Variants in GATAD2A observed in about 807,000 individuals in gnomAD.
GATAD2A encodes the protein GATA zinc finger domain containing 2A.
GATAD2A carries 12 observed loss-of-function variants against 68.5 expected under a neutral mutation model. The observed-to-expected ratio is 0.18, with a 90% CI of 0.11 to 0.28. GATAD2A has a LOEUF of 0.28. Ranked by LOEUF, GATAD2A falls within the 10% of genes least tolerant of loss-of-function variation. GATAD2A has a pLI of 1.00. For synonymous variants in GATAD2A, 410 were observed against 375.3 expected (o/e 1.09, Z -1.07); for missense variants, 755 against 868.5 (o/e 0.87, Z 1.64).
At chr19:19,433,781 C>T (rs909152472) in intron 1 of GATAD2A, among the ~76,000 whole-genome samples, 1 of 152,138 alleles carries the variant, frequency 6.6e-6, no homozygotes, top group Admixed American at 6.5e-5. Context: ...TCCCCATACC[C>T]CCCCTTTTTT....
intron 1 of GATAD2A, among the ~76,000 whole-genome samples, chr19:19,423,231 G>A (rs370821862): frequency 6.6e-6 from 1 of 152,128 alleles, no homozygotes; most frequent in South Asian, 2.1e-4. Flanking sequence ...GGTCTCAAAC[G>A]CCTGGGCTCA....
intron 1 of GATAD2A, among the ~76,000 whole-genome samples, chr19:19,459,368 CTT>C (rs112022185): frequency 2.3e-4 from 33 of 143,754 alleles, no homozygotes; most frequent in Non-Finnish European, 2.4e-4. Flanking sequence ...CTATATACAC[CTT>C]TTTTTTTTTT....
At chr19:19,449,524 G>A (rs2056136319) in intron 1 of GATAD2A, among the ~76,000 whole-genome samples, 1 of 151,580 alleles carries the variant, frequency 6.6e-6, no homozygotes, top group Admixed American at 6.6e-5. Flanking sequence ...TGGTTACTTG[G>A]GTATATATTA....
intron 2 of GATAD2A, among the ~76,000 whole-genome samples, chr19:19,490,780 G>C (rs768724754): frequency 4.6e-5 from 7 of 152,192 alleles, no homozygotes; most frequent in Non-Finnish European, 7.3e-5. Flanking sequence ...AGCTACTCAG[G>C]AGGCTGAGGC....
chr19:19,420,936 A>G (rs567130426), intron 1 of GATAD2A, among the ~76,000 whole-genome samples: 5 of 152,348 alleles, frequency 3.3e-5, no homozygotes, highest in African/African-American at 1.2e-4. Context: ...TTCCTCTTTC[A>G]GTAACAAAAC....
chr19:19,462,044 A>T lies in GATAD2A; in HGVS notation c.-6-3296A>T, dbSNP rs2057477021. Among the ~76,000 whole-genome samples the T allele has an allele frequency of 2.6e-5, 4 of 152,170 alleles. No homozygotes were observed. The South Asian group carries it at 8.3e-4, about 32-fold the overall frequency. ...CTCTCCCCTGTCACTGGGAATTTTG[A>T]AATGAATCCTCATTTGCCAGTCAGG... On this transcript the variant is annotated intron_variant, in intron 1 of 11. Transcript: ENST00000683918.
At chr19:19,479,279 G>C (rs1271571644) in intron 2 of GATAD2A, among the ~76,000 whole-genome samples, 1 of 152,200 alleles carries the variant, frequency 6.6e-6, no homozygotes, top group Non-Finnish European at 1.5e-5. Flanking sequence ...TTTTAGAATA[G>C]TCTTAGACTC....
At chr19:19,476,262 A>AGCAGATTT (rs999276127) in intron 2 of GATAD2A, among the ~76,000 whole-genome samples, 2 of 152,222 alleles carry the variant, frequency 1.3e-5, no homozygotes, top group Admixed American at 6.5e-5. Context: ...CTGTAAGTTG[A>AGCAGATTT]GCAGATTTGC....
intron 1 of GATAD2A, among the ~76,000 whole-genome samples, chr19:19,447,177 T>C (rs2055825452): frequency 6.6e-6 from 1 of 151,994 alleles, no homozygotes; most frequent in African/African-American, 2.4e-5. Context: ...GGGGGGCATG[T>C]GTGGAGGGGA....
chr19:19,391,506 G>A (rs146096863), intron 1 of GATAD2A, among the ~76,000 whole-genome samples: 8 of 152,194 alleles, frequency 5.3e-5, no homozygotes, highest in African/African-American at 1.9e-4. Context: ...AAGAACTAAG[G>A]TAAACAACTT....
At chr19:19,395,507 G>A (rs936454109) in intron 1 of GATAD2A, among the ~76,000 whole-genome samples, 4 of 151,960 alleles carry the variant, frequency 2.6e-5, no homozygotes, top group Non-Finnish European at 5.9e-5. Context: ...TTGGTAAGCC[G>A]CTTTGTCAGA....
intron 1 of GATAD2A, chr19:19,435,194 A>G: frequency 1.9e-6 from 1 of 516,928 alleles, no homozygotes; most frequent in Non-Finnish European, 4.1e-6. Context: ...TACCTGGAAC[A>G]TACTCCTAAG....
Position 19,424,388 on chromosome 19 carries a change from C to T in GATAD2A, c.-7+18369C>T, listed in dbSNP as rs188047112. On this transcript the variant is annotated intron_variant, in intron 1 of 11. Transcript: ENST00000683918. ...GTGACCATAGGCATGAGCCAGCATG[C>T]CCAGCTAATTTTTGTATTTTTTGTA... 1.0e-3 allele frequency among the ~76,000 whole-genome samples: 158 copies of T among 152,214 alleles called. 2 individuals are homozygous for T. Among genetic ancestry groups the T allele is most frequent in the African/African-American group, 3.5e-3 (147 of 41,540 alleles).
intron 2 of GATAD2A, among the ~76,000 whole-genome samples, chr19:19,485,236 G>C (rs2059355843): frequency 6.6e-6 from 1 of 152,220 alleles, no homozygotes; most frequent in African/African-American, 2.4e-5. Flanking sequence ...AGTGATATGG[G>C]TTAGCTCCCC....
At chr19:19,474,644 G>C (rs1407447627) in intron 2 of GATAD2A, among the ~76,000 whole-genome samples, 4 of 152,224 alleles carry the variant, frequency 2.6e-5, no homozygotes, top group Non-Finnish European at 5.9e-5. Flanking sequence ...ACCCGCTGCT[G>C]TGCAAGGTCC....
intron 1 of GATAD2A, among the ~76,000 whole-genome samples, chr19:19,410,984 A>G (rs1193055087): frequency 6.6e-6 from 1 of 152,198 alleles, no homozygotes; most frequent in African/African-American, 2.4e-5. Flanking sequence ...TATGACTGTA[A>G]CAGATGAGCC....
intron 1 of GATAD2A, among the ~76,000 whole-genome samples, chr19:19,395,855 C>G (rs916220650): frequency 3.9e-5 from 6 of 152,202 alleles, no homozygotes; most frequent in Non-Finnish European, 8.8e-5. Flanking sequence ...GATTCTACCA[C>G]TTGCTGGCAT....
chr19:19,470,339 T>G (rs1316227335), intron 2 of GATAD2A, among the ~76,000 whole-genome samples: 2 of 152,076 alleles, frequency 1.3e-5, no homozygotes, highest in African/African-American at 4.8e-5. Flanking sequence ...TTTCACCATG[T>G]TGGCCAGGCT....
At chr19:19,502,110 G>A (rs750950610) in intron 10 of GATAD2A, 67 bp downstream of exon 10, 37 of 1,179,494 alleles carry the variant, frequency 3.1e-5, no homozygotes, top group Middle Eastern at 1.9e-4. Context: ...GTCAGTCGCC[G>A]ACTGTCACGC....
Sources: gnomAD v4.1 joint callset for allele counts (sites outside exome capture counted in the v4.1 genomes callset) on GRCh38, gnomAD v4.1.1 for gene constraint, MANE v1.5 for transcripts, NCBI Gene and HGNC (gene_info 2026-07-23, HGNC 2026-07-21) for gene names.